XXYLT1: variants seen among roughly 807,000 people sequenced by gnomAD.
XXYLT1 encodes the protein UDP-xylose:alpha-xyloside alpha-1,3-xylosyltransferase.
XXYLT1 carries 20 observed loss-of-function variants against 28.9 expected under a neutral mutation model. That is an observed-to-expected ratio of 0.69 (90% CI 0.49 to 1.00). XXYLT1 has a LOEUF of 1.00. Among genes scored for constraint, XXYLT1 ranks in the 50% least tolerant of loss-of-function variants. XXYLT1 has a pLI of 0.00. For synonymous variants in XXYLT1, 257 were observed against 253.8 expected (o/e 1.01, Z -0.12); for missense variants, 542 against 560.1 (o/e 0.97, Z 0.33).
intron 2 of XXYLT1, among the ~76,000 whole-genome samples, chr3:195,197,999 C>G (rs1402982879): frequency 6.6e-6 from 1 of 152,220 alleles, no homozygotes; most frequent in Non-Finnish European, 1.5e-5. Flanking sequence ...ACACGCTAAT[C>G]GGGCTTCACC....
chr3:195,124,647 G>A lies in XXYLT1; in HGVS notation c.785+31802C>T, dbSNP rs1345339854. Among the ~76,000 whole-genome samples, 1 of 152,170 alleles carries A rather than the reference G, an allele frequency of 6.6e-6. No homozygotes were observed. The highest frequency in any genetic ancestry group is 1.5e-5 in the Non-Finnish European group (1 of 68,016). On this transcript the variant is annotated intron_variant, in intron 3 of 3. Coordinates refer to ENST00000310380, the MANE Select transcript of XXYLT1 (RefSeq NM_152531.5). This position sits in a 1 kb window ranked among gnomAD's most constrained non-coding sequence, Gnocchi z 4.1. Reference sequence around the variant, plus strand: ...TTTGCTGACAGACTGATAAACTAATGAGCACATGCCTTACTGTCAACTTCC... The same window carrying A: ...TTTGCTGACAGACTGATAAACTAATAAGCACATGCCTTACTGTCAACTTCC...
intron 2 of XXYLT1, 77 bp downstream of exon 2, chr3:195,226,632 T>G: frequency 6.5e-7 from 1 of 1,542,904 alleles, no homozygotes. Flanking sequence ...ATACAGGGCC[T>G]GGGCAGTGTT....
At chr3:195,108,746 A>G (rs1417207744) in intron 3 of XXYLT1, among the ~76,000 whole-genome samples, 1 of 152,226 alleles carries the variant, frequency 6.6e-6, no homozygotes, top group East Asian at 1.9e-4. Flanking sequence ...CAAACATAGA[A>G]AAGGTACAGT....
In XXYLT1 at chr3:195,180,635, G is replaced by A; in HGVS notation, c.653-24054C>T. 1 of 815,836 alleles carries A rather than the reference G, an allele frequency of 1.2e-6. No homozygotes were observed. Among genetic ancestry groups the A allele is most frequent in the Non-Finnish European group, 1.5e-6 (1 of 675,252 alleles). 50.5% of individuals were successfully genotyped at this position (815,836 alleles called of 1,614,324 possible). A position where few individuals can be genotyped will look rare whatever the true frequency, so the allele number is the denominator to read the frequency against. On this transcript the variant is annotated intron_variant, in intron 2 of 3. Coordinates refer to ENST00000310380, the MANE Select transcript of XXYLT1 (RefSeq NM_152531.5). This position sits in a 1 kb window ranked among gnomAD's most constrained non-coding sequence, Gnocchi z 5.8. ...CTGGCTAAGAGCACCAGACGGCGGT[G>A]GCTGGAGCACCCCGTGCCACTGCAA...
chr3:195,148,911 G>A (rs1289540322), intron 3 of XXYLT1, among the ~76,000 whole-genome samples: 1 of 152,132 alleles, frequency 6.6e-6, no homozygotes, highest in African/African-American at 2.4e-5. Context: ...ACTGAGATTC[G>A]TTTCAAAATA....
intron 2 of XXYLT1, among the ~76,000 whole-genome samples, chr3:195,186,706 A>C (rs1186119228): frequency 6.6e-6 from 1 of 151,648 alleles, no homozygotes; most frequent in Non-Finnish European, 1.5e-5. Context: ...TATCTGCTTA[A>C]TGTCTATCTT....
chr3:195,261,734 T>C (rs1177803100), intron 1 of XXYLT1, among the ~76,000 whole-genome samples: 1 of 152,226 alleles, frequency 6.6e-6, no homozygotes, highest in Non-Finnish European at 1.5e-5. Context: ...AAATACCAAA[T>C]ACATGTATGT....
intron 2 of XXYLT1, among the ~76,000 whole-genome samples, chr3:195,158,457 C>T (rs1437500887): frequency 6.6e-6 from 1 of 152,232 alleles, no homozygotes; most frequent in Non-Finnish European, 1.5e-5. Context: ...TTCCCCTGCG[C>T]TTTAGGGACC....
At chr3:195,254,949 G>A (rs1232279740) in intron 1 of XXYLT1, among the ~76,000 whole-genome samples, 3 of 152,102 alleles carry the variant, frequency 2.0e-5, no homozygotes, top group East Asian at 3.9e-4. Context: ...GATCTAAAGC[G>A]GCCCATCTGT....
intron 1 of XXYLT1, among the ~76,000 whole-genome samples, chr3:195,269,796 G>C (rs1285359911): frequency 1.3e-5 from 2 of 152,162 alleles, no homozygotes; most frequent in African/African-American, 4.8e-5. Flanking sequence ...ATTTGACCTA[G>C]GCAATTCACA....
intron 3 of XXYLT1, among the ~76,000 whole-genome samples, chr3:195,084,742 G>A (rs1715626875): frequency 6.6e-6 from 1 of 152,186 alleles, no homozygotes; most frequent in Admixed American, 6.5e-5. Flanking sequence ...ATCGGCCCCA[G>A]AAACCCAACC....
chr3:195,089,412 T>C (rs1028661440), intron 3 of XXYLT1, among the ~76,000 whole-genome samples: 6 of 152,106 alleles, frequency 3.9e-5, no homozygotes, highest in African/African-American at 9.7e-5. Context: ...CAGAATTTCA[T>C]ATCCAGCCAA....
intron 2 of XXYLT1, among the ~76,000 whole-genome samples, chr3:195,207,100 A>G (rs1050868980): frequency 6.6e-6 from 1 of 152,224 alleles, no homozygotes; most frequent in Admixed American, 6.5e-5. Context: ...AGGCTGAGCC[A>G]GCCTGGAAGA....
In XXYLT1 at chr3:195,177,488, G is replaced by C. The variant is rs530474178; in HGVS notation, c.653-20907C>G. On this transcript the variant is annotated intron_variant, in intron 2 of 3. Transcript: ENST00000310380. ...AGAATGGCAAACAGAAAGGGCAGAAGAATCAGTCTCTGACACAACCTGGTG... is the reference window on the plus strand; with the variant it reads ...AGAATGGCAAACAGAAAGGGCAGAACAATCAGTCTCTGACACAACCTGGTG... Among the ~76,000 whole-genome samples, 3 of 152,318 alleles carry C rather than the reference G, an allele frequency of 2.0e-5. No homozygotes were observed. In the South Asian group the frequency reaches 6.2e-4, roughly 32 times the overall value.
intron 2 of XXYLT1, among the ~76,000 whole-genome samples, chr3:195,212,942 G>A (rs1053686354): frequency 1.3e-5 from 2 of 152,252 alleles, no homozygotes; most frequent in African/African-American, 4.8e-5. Flanking sequence ...CCCATGGTAT[G>A]CCGCCAGACC....
chr3:195,266,408 C>G (rs1278638396), intron 1 of XXYLT1, among the ~76,000 whole-genome samples: 1 of 151,852 alleles, frequency 6.6e-6, no homozygotes, highest in African/African-American at 2.4e-5. Context: ...ACAGGAGAAT[C>G]GCTTGAACCC....
intron 2 of XXYLT1, chr3:195,184,541 C>G (rs918152399): frequency 1.1e-6 from 1 of 880,140 alleles, no homozygotes; most frequent in Non-Finnish European, 1.4e-6. Flanking sequence ...TAATAAATGG[C>G]CTCCTAATTC....
At chr3:195,158,293 T>C (rs1342208422) in intron 2 of XXYLT1, among the ~76,000 whole-genome samples, 2 of 152,144 alleles carry the variant, frequency 1.3e-5, no homozygotes, top group African/African-American at 2.4e-5. Flanking sequence ...CTGCCTGTGG[T>C]CATGGCCACC....
chr3:195,175,789 A>G, intron 2 of XXYLT1: 1 of 1,489,446 alleles, frequency 6.7e-7, no homozygotes, highest in South Asian at 1.3e-5. Context: ...CACATGCTCC[A>G]GATGGCGTCG....
Sources: allele counts gnomAD v4.1 joint callset (sites outside exome capture counted in the v4.1 genomes callset), GRCh38; gene constraint gnomAD v4.1.1; non-coding constraint Gnocchi (gnomAD v3.1); transcripts MANE v1.5; gene names NCBI Gene and HGNC (gene_info 2026-07-23, HGNC 2026-07-21).